Variants in DAB1 observed in about 807,000 individuals in gnomAD.
DAB1 encodes the protein disabled homolog 1.
DAB1 carries 15 observed loss-of-function variants against 64.6 expected under a neutral mutation model. The observed-to-expected ratio is 0.23, with a 90% confidence interval of 0.16 to 0.36. The LOEUF (loss-of-function observed/expected upper bound fraction) is 0.36, where lower values mean the gene tolerates loss of function less well. Ranked by LOEUF, DAB1 falls within the 10% of genes least tolerant of loss-of-function variation. DAB1 has a pLI of 1.00. For synonymous variants in DAB1, 235 were observed against 251.9 expected, an observed-to-expected ratio of 0.93 and a Z score of 0.64; for missense variants, 596 against 706.7, an observed-to-expected ratio of 0.84 and a Z score of 1.78.
At chr1:57,261,331 G>A (rs578153372) in intron 2 of DAB1, among the ~76,000 whole-genome samples, 1 of 152,240 alleles carries the variant, frequency 6.6e-6, no homozygotes, top group African/African-American at 2.4e-5. Flanking sequence ...TTTATAATGA[G>A]AGATGCTAGA....
rs1570729610 is a variant in DAB1, at chr1:57,120,867, G to A, written c.306+15676C>T. On this transcript the variant is annotated intron_variant, in intron 4 of 14. Transcript: ENST00000371236. ...TTTACTCATCCATCCATGGGCATTT[G>A]GGTTGCTTCCACCTTGTACAGCACA... Among the ~76,000 whole-genome samples the A allele has an allele frequency of 1.1e-4, 16 of 152,200 alleles. No homozygotes were observed. The South Asian group carries it at 3.1e-3, about 30-fold the overall frequency.
intron 7 of DAB1, among the ~76,000 whole-genome samples, chr1:57,478,409 C>T (rs1643966041): frequency 2.0e-5 from 3 of 151,960 alleles, no homozygotes; most frequent in Admixed American, 1.3e-4. Context: ...ATTCTGCTGG[C>T]ATTTTGTGGC....
intron 9 of DAB1, among the ~76,000 whole-genome samples, chr1:57,056,398 G>A (rs1649763439): frequency 6.6e-6 from 1 of 150,682 alleles, no homozygotes; most frequent in Non-Finnish European, 1.5e-5. Context: ...CTAGCTACTG[G>A]GTAAGCTGAG....
At chr1:57,446,299 C>T (rs955752012) in intron 7 of DAB1, among the ~76,000 whole-genome samples, 1 of 152,048 alleles carries the variant, frequency 6.6e-6, no homozygotes, top group Non-Finnish European at 1.5e-5. Context: ...GAAGTTGTTA[C>T]ATATGACTAA....
chr1:57,029,901 T>C (rs1646913694), intron 9 of DAB1, among the ~76,000 whole-genome samples: 1 of 152,158 alleles, frequency 6.6e-6, no homozygotes, highest in South Asian at 2.1e-4. Context: ...CTTTGGACTG[T>C]GGACTTTTGG....
intron 6 of DAB1, among the ~76,000 whole-genome samples, chr1:57,795,712 T>G (rs1650821623): frequency 3.8e-5 from 5 of 131,816 alleles, no homozygotes; most frequent in Admixed American, 2.3e-4. Context: ...TATATATATA[T>G]ATATATATAT....
intron 9 of DAB1, among the ~76,000 whole-genome samples, chr1:57,054,569 C>G (rs1649552807): frequency 6.6e-6 from 1 of 151,258 alleles, no homozygotes; most frequent in South Asian, 2.1e-4. Flanking sequence ...GCTCCACCTC[C>G]CGGGTTCACG....
intron 7 of DAB1, among the ~76,000 whole-genome samples, chr1:57,565,250 T>C (rs1645103724): frequency 6.6e-6 from 1 of 152,084 alleles, no homozygotes; most frequent in African/African-American, 2.4e-5. Context: ...ACCAGGCCTG[T>C]CCTGCAAGAG....
At chr1:57,639,940 C>T (rs953773117) in intron 7 of DAB1, among the ~76,000 whole-genome samples, 1 of 152,154 alleles carries the variant, frequency 6.6e-6, no homozygotes, top group Non-Finnish European at 1.5e-5. Context: ...AAAGAAAGGT[C>T]CCCAAAATAC....
intron 2 of DAB1, among the ~76,000 whole-genome samples, chr1:58,513,501 A>C (rs971041245): frequency 2.0e-5 from 3 of 152,144 alleles, no homozygotes; most frequent in African/African-American, 7.2e-5. Context: ...AAAGAATTAG[A>C]CTCTAGGTAA....
At chr1:58,488,783 C>A (rs758216662) in intron 3 of DAB1, among the ~76,000 whole-genome samples, 1 of 152,234 alleles carries the variant, frequency 6.6e-6, no homozygotes, top group Non-Finnish European at 1.5e-5. Context: ...ACCCACTTCT[C>A]ACTGTTTCCC....
At chr1:57,468,129 CA>C (rs1366380010) in intron 7 of DAB1, among the ~76,000 whole-genome samples, 2 of 152,186 alleles carry the variant, frequency 1.3e-5, no homozygotes, top group African/African-American at 4.8e-5. Flanking sequence ...GTGCGTTTCT[CA>C]GAGACCAAAC....
chr1:57,866,430 G>C (rs905859947), intron 1 of DAB1: 1 of 152,116 alleles, frequency 6.6e-6, no homozygotes, highest in Admixed American at 6.6e-5. Flanking sequence ...TTCTTCTTGT[G>C]TGGTGGGTTT....
intron 3 of DAB1, among the ~76,000 whole-genome samples, chr1:58,495,911 C>G (rs1299148115): frequency 6.6e-6 from 1 of 152,094 alleles, no homozygotes; most frequent in African/African-American, 2.4e-5. Flanking sequence ...ACCTAGGTAG[C>G]TTGTAAAAGC....
chr1:57,066,764 G>A (rs559859659), intron 8 of DAB1, among the ~76,000 whole-genome samples: 5 of 152,270 alleles, frequency 3.3e-5, no homozygotes, highest in East Asian at 1.9e-4. Context: ...TCTCCTCCTC[G>A]TTTTACGTTT....
At chr1:57,048,608 A>C (rs748644119) in intron 9 of DAB1, among the ~76,000 whole-genome samples, 1 of 152,212 alleles carries the variant, frequency 6.6e-6, no homozygotes. Flanking sequence ...AGTAGTTTTC[A>C]TACTACCTTC....
At chr1:57,483,592 C>G (rs1292738064) in intron 7 of DAB1, among the ~76,000 whole-genome samples, 1 of 151,940 alleles carries the variant, frequency 6.6e-6, no homozygotes, top group East Asian at 1.9e-4. Flanking sequence ...ATTAATTCAA[C>G]TTTTTTTTGT....
At position 58,498,418 on chromosome 1, in the gene DAB1, C is replaced by T. The variant is rs1645841585; in HGVS notation, n.257+7642G>A. ...AGTCCCTTTACTACCACCTCTATTTCCAACTCTCTCCCTTAATTTCTAAAA... is the reference window on the plus strand; with the variant it reads ...AGTCCCTTTACTACCACCTCTATTTTCAACTCTCTCCCTTAATTTCTAAAA... On this transcript the variant is annotated intron_variant and non_coding_transcript_variant, in intron 3 of 20. Transcript: ENST00000485760. 1.3e-5 allele frequency among the ~76,000 whole-genome samples: 2 copies of T among 152,084 alleles called. 1 individual carries two copies. Among genetic ancestry groups the T allele is most frequent in the South Asian group, 4.1e-4 (2 of 4,824 alleles).
intron 2 of DAB1, among the ~76,000 whole-genome samples, chr1:58,524,480 T>A (rs1238050631): frequency 6.6e-6 from 1 of 152,236 alleles, no homozygotes; most frequent in African/African-American, 2.4e-5. Context: ...AGTCTATAGA[T>A]AGGCCTTTCT....
Sources: gnomAD v4.1 joint callset for allele counts (sites outside exome capture counted in the v4.1 genomes callset) on GRCh38, gnomAD v4.1.1 for gene constraint, MANE v1.5 for transcripts, NCBI Gene and HGNC (gene_info 2026-07-23, HGNC 2026-07-21) for gene names.